Variants in GRM7 observed in about 807,000 individuals in gnomAD.
GRM7 encodes glutamate metabotropic receptor 7, also known as metabotropic glutamate receptor 7.
Under a neutral mutation model 84.5 loss-of-function variants are expected in GRM7, and 35 were observed. The ratio of observed to expected loss-of-function variants is 0.41; its 90% CI spans 0.32 to 0.55. GRM7 has a LOEUF of 0.55. GRM7 is among the 20% of genes least tolerant of loss of function. The pLI, the probability that GRM7 is intolerant of heterozygous loss-of-function variation, is 0.19. For synonymous variants in GRM7, 487 were observed against 455.1 expected (o/e 1.07, Z -0.89); for missense variants, 1,003 against 1,194.6 (o/e 0.84, Z 2.36).
chr3:6,992,583 G>A (rs571117315), intron 1 of GRM7, among the ~76,000 whole-genome samples: 2 of 152,288 alleles, frequency 1.3e-5, no homozygotes, highest in African/African-American at 4.8e-5. Context: ...TGAAGTTGAT[G>A]AGACTAGCAA....
At chr3:7,553,049 T>C (rs1242888064) in intron 7 of GRM7, among the ~76,000 whole-genome samples, 1 of 152,234 alleles carries the variant, frequency 6.6e-6, no homozygotes, top group African/African-American at 2.4e-5. Flanking sequence ...TAGAACCAAA[T>C]GCTTTGAAGC....
intron 1 of GRM7, among the ~76,000 whole-genome samples, chr3:6,983,397 C>A (rs760753154): frequency 6.6e-6 from 1 of 152,072 alleles, no homozygotes; most frequent in Admixed American, 6.6e-5. Flanking sequence ...GAAAGCTCCT[C>A]GGGTTTCTGT....
chr3:7,122,744 A>C (rs539040481), intron 1 of GRM7, among the ~76,000 whole-genome samples: 3 of 152,384 alleles, frequency 2.0e-5, no homozygotes, highest in African/African-American at 7.2e-5. Flanking sequence ...TTCTGCATCT[A>C]GCACATATTA....
chr3:7,057,402 G>A (rs1697267351), intron 1 of GRM7, among the ~76,000 whole-genome samples: 1 of 151,830 alleles, frequency 6.6e-6, no homozygotes, highest in East Asian at 1.9e-4. Context: ...TCTCTAGGTT[G>A]TAAAAATATG....
At chr3:7,065,935 C>CA (rs1230574190) in intron 1 of GRM7, among the ~76,000 whole-genome samples, 3 of 151,638 alleles carry the variant, frequency 2.0e-5, no homozygotes, top group East Asian at 1.9e-4. Flanking sequence ...AGCACTGGGT[C>CA]AAAAATGAAA....
At chr3:7,320,785 C>A (rs552724217) in intron 4 of GRM7, among the ~76,000 whole-genome samples, 5 of 150,140 alleles carry the variant, frequency 3.3e-5, no homozygotes, top group Non-Finnish European at 5.9e-5. Flanking sequence ...AATAGTAGTT[C>A]TTTTTATTGC....
chr3:7,139,869 G>C (rs1693892019), intron 1 of GRM7, among the ~76,000 whole-genome samples: 1 of 151,906 alleles, frequency 6.6e-6, no homozygotes, highest in Admixed American at 6.6e-5. Context: ...AACAATCAAT[G>C]ATGTAAAGAG....
chr3:7,306,608 C>T lies in GRM7; in HGVS notation c.989C>T (p.Ala330Val). Reference sequence around the variant, plus strand: ...CCACTGCACCAGCATGAAGATATCGCAGAAGGGGCCATCACCATTCAGCCC... The same window carrying T: ...CCACTGCACCAGCATGAAGATATCGTAGAAGGGGCCATCACCATTCAGCCC... ...INPLHQHEDI[A>V]EGAITIQPKR... Residue 330 changes from alanine to valine, a missense_variant, in exon 4 of 10, where the codon GCA (alanine) becomes GTA (valine). Ala to Val is a moderately conservative substitution (Grantham distance 64, BLOSUM62 0). Transcript: ENST00000357716. 6.2e-7 allele frequency: 1 copy of T among 1,612,848 alleles called. No homozygotes were observed.
chr3:7,285,389 T>C (rs758728761), intron 2 of GRM7, among the ~76,000 whole-genome samples: 93 of 152,302 alleles, frequency 6.1e-4, no homozygotes, highest in Middle Eastern at 3.4e-3. Context: ...CATCCCAGTG[T>C]GTCTCCAATC....
chr3:7,235,028 C>A (rs758232693), intron 2 of GRM7, among the ~76,000 whole-genome samples: 1 of 152,034 alleles, frequency 6.6e-6, no homozygotes, highest in Admixed American at 6.6e-5. Context: ...TCTGTAGATC[C>A]CTTTTGATAC....
chr3:7,619,951 T>G (rs538207718), intron 8 of GRM7, among the ~76,000 whole-genome samples: 1 of 152,254 alleles, frequency 6.6e-6, no homozygotes, highest in South Asian at 2.1e-4. Context: ...AATTCTGCCT[T>G]TGCCTTATTT....
At chr3:7,012,989 G>A (rs13065797) in intron 1 of GRM7, among the ~76,000 whole-genome samples, 35,063 of 151,862 alleles carry the variant, frequency 0.23, 4,197 homozygotes, top group South Asian at 0.3. Context: ...ATCTTCTGGC[G>A]TCTTCCTTCC....
At chr3:7,468,509 G>T (rs1698554023) in intron 7 of GRM7, among the ~76,000 whole-genome samples, 1 of 152,154 alleles carries the variant, frequency 6.6e-6, no homozygotes, top group Non-Finnish European at 1.5e-5. Flanking sequence ...GCTAAAAACA[G>T]TGTCTGGCAT....
Position 7,298,742 on chromosome 3 carries a change from T to G in GRM7, c.795T>G (p.Ile265Met). 1 of 1,613,710 alleles carries G rather than the reference T, an allele frequency of 6.2e-7. No homozygotes were observed. Among genetic ancestry groups the G allele is most frequent in the Middle Eastern group, 1.7e-4 (1 of 6,060 alleles). ...RIPQERKDRT[I>M]DFDRIIKQLL... is the part of the protein sequence containing the mutation. ...CCCAGGAACGCAAAGACAGGACCAT[T>G]GACTTTGATAGAATTATCAAACAGC... Residue 265 changes from isoleucine (I) to methionine (M), a missense_variant, in exon 3 of 10, where the codon ATT becomes ATG. Ile to Met is a conservative substitution (Grantham distance 10). This residue lies in a region of GRM7 where 910 missense variants were observed against 1,126.0 expected (regional missense o/e 0.81). Transcript: ENST00000357716.
At chr3:7,575,875 A>G (rs1376643898) in intron 7 of GRM7, among the ~76,000 whole-genome samples, 1 of 152,246 alleles carries the variant, frequency 6.6e-6, no homozygotes, top group Non-Finnish European at 1.5e-5. Context: ...AAAGCTGGGC[A>G]GCATTGCCAG....
At chr3:7,097,392 A>G (rs540678066) in intron 1 of GRM7, among the ~76,000 whole-genome samples, 1 of 152,286 alleles carries the variant, frequency 6.6e-6, no homozygotes, top group Admixed American at 6.5e-5. Flanking sequence ...TGAATTGATT[A>G]TTAAAAAGTA....
chr3:7,675,007 C>T (rs952434101), intron 8 of GRM7, among the ~76,000 whole-genome samples: 7 of 152,116 alleles, frequency 4.6e-5, no homozygotes, highest in Non-Finnish European at 8.8e-5. Flanking sequence ...TCCCCTAAAC[C>T]AATGGTTTGA....
At chr3:7,465,792 G>A (rs984833213) in intron 7 of GRM7, among the ~76,000 whole-genome samples, 1 of 152,094 alleles carries the variant, frequency 6.6e-6, no homozygotes, top group East Asian at 1.9e-4. Context: ...GAATTTCTGA[G>A]CCAAGAAATC....
intron 7 of GRM7, among the ~76,000 whole-genome samples, chr3:7,467,112 C>T (rs771244214): frequency 6.6e-6 from 1 of 152,016 alleles, no homozygotes; most frequent in African/African-American, 2.4e-5. Context: ...TTTTTTGAGA[C>T]GGAGTCGCTC....
Sources: gnomAD v4.1 joint callset for allele counts (sites outside exome capture counted in the v4.1 genomes callset) on GRCh38, gnomAD v4.1.1 for gene constraint, gnomAD v4.1.1 regional missense constraint, MANE v1.5 for transcripts, NCBI Gene and HGNC (gene_info 2026-07-23, HGNC 2026-07-21) for gene names.